NFATC3: variants seen among roughly 807,000 people sequenced by gnomAD.
NFATC3 encodes the protein nuclear factor of activated T cells 3.
In NFATC3, 46 loss-of-function variants were observed where a neutral mutation model predicts 98.6. The observed-to-expected ratio is 0.47, with a 90% CI of 0.37 to 0.60. The LOEUF (loss-of-function observed/expected upper bound fraction) is 0.60, where lower values mean the gene tolerates loss of function less well. Among genes scored for constraint, NFATC3 ranks in the 20% least tolerant of loss-of-function variants. The pLI, the probability that NFATC3 is intolerant of heterozygous loss-of-function variation, is 0.00. For synonymous variants in NFATC3, 512 were observed against 472.2 expected (o/e 1.08, Z -1.09); for missense variants, 1,256 against 1,295.5 (o/e 0.97, Z 0.47).
chr16:68,132,058 G>A (rs75914405), intron 3 of NFATC3, among the ~76,000 whole-genome samples: 2 of 152,042 alleles, frequency 1.3e-5, no homozygotes, highest in South Asian at 2.1e-4. Context: ...TTTAAATGAC[G>A]TGCTCTCATG....
chr16:68,186,186 A>G (rs2040192280), intron 8 of NFATC3, among the ~76,000 whole-genome samples: 1 of 151,954 alleles, frequency 6.6e-6, no homozygotes, highest in Non-Finnish European at 1.5e-5. Flanking sequence ...TTTGAATAAA[A>G]TTTTTACAAA....
chr16:68,227,456 CAG>C lies in NFATC3; in HGVS notation c.*986_*987del, dbSNP rs1278934648. ...TGCAGTTCTAACTCTAGCTAGAGGC[CAG>C]GCTGTGTGCAGAGCTAAAGCACAAA... On this transcript the variant is annotated 3_prime_UTR_variant, in exon 10 of 10. Coordinates refer to ENST00000346183, the MANE Select transcript of NFATC3 (RefSeq NM_173165.3). The C allele has an allele frequency of 6.6e-6, 1 of 152,162 alleles. No individual in the cohort carries two copies. Among genetic ancestry groups the C allele is most frequent in the Admixed American group, 6.6e-5 (1 of 15,260 alleles). The allele number at this position is 152,162 out of a possible 1,614,324, so 9.4% of individuals were successfully genotyped here. A position where few individuals can be genotyped will look rare whatever the true frequency, so the allele number is the denominator to read the frequency against.
chr16:68,175,426 T>G (rs1425729167), intron 6 of NFATC3, among the ~76,000 whole-genome samples: 1 of 152,218 alleles, frequency 6.6e-6, no homozygotes, highest in Non-Finnish European at 1.5e-5. Flanking sequence ...AGTATGTGAA[T>G]TATACCTCAA....
chr16:68,158,191 A>T (rs1354227084), intron 4 of NFATC3, 123 bp downstream of exon 4: 13 of 624,126 alleles, frequency 2.1e-5, no homozygotes, highest in Non-Finnish European at 3.1e-5. Flanking sequence ...TAAATAATGT[A>T]CATTTAGTAC....
Position 68,191,765 on chromosome 16 carries a change from T to C in NFATC3, c.3096T>C (p.Thr1032=). 1 of 1,614,182 alleles carries C rather than the reference T, an allele frequency of 6.2e-7. No individual in the cohort carries two copies. The highest frequency in any genetic ancestry group is 8.5e-7 in the Non-Finnish European group (1 of 1,180,022). ...CAACCATTGGTCTGCAGGACATCAC[T>C]TTAGATGATGGTAAGTTCATCTCTG... ...NFATIGLQDI[T]LDDVNEIIGR... is the part of the protein sequence containing the mutation. Residue 1032 remains threonine (T), a synonymous_variant, in exon 9 of 10, where the codon ACT becomes ACC. Coordinates refer to ENST00000346183, the MANE Select transcript of NFATC3 (RefSeq NM_173165.3).
intron 3 of NFATC3, among the ~76,000 whole-genome samples, chr16:68,147,596 T>C (rs1369253045): frequency 6.6e-6 from 1 of 152,172 alleles, no homozygotes; most frequent in African/African-American, 2.4e-5. Flanking sequence ...GCTGTTTATT[T>C]CTCCACTTGA....
intron 6 of NFATC3, among the ~76,000 whole-genome samples, chr16:68,178,387 C>G (rs2039810331): frequency 6.6e-6 from 1 of 152,110 alleles, no homozygotes; most frequent in Non-Finnish European, 1.5e-5. Flanking sequence ...CATACCCTGC[C>G]TGTCTTCAAA....
chr16:68,147,779 T>C (rs534691255), intron 3 of NFATC3, among the ~76,000 whole-genome samples: 33 of 145,992 alleles, frequency 2.3e-4, no homozygotes, highest in Non-Finnish European at 3.8e-4. Flanking sequence ...AAAAAAGACA[T>C]ATAGTCCACA....
chr16:68,172,867 A>C (rs534276184), intron 5 of NFATC3, among the ~76,000 whole-genome samples: 1 of 152,328 alleles, frequency 6.6e-6, no homozygotes, highest in East Asian at 1.9e-4. Context: ...AATTAAAAGA[A>C]AGAAATGCCA....
chr16:68,085,652 G>A lies in NFATC3; in HGVS notation c.-30G>A, dbSNP rs3743735. 0.13 allele frequency: 196,238 copies of A among 1,483,292 alleles called. 13,814 individuals are homozygous for A. The highest frequency in any genetic ancestry group is 0.2 in the South Asian group (15,283 of 78,334). 91.9% of individuals were successfully genotyped at this position (1,483,292 alleles called of 1,614,324 possible). On this transcript the variant is annotated 5_prime_UTR_variant, in exon 1 of 10. Coordinates refer to ENST00000346183, the MANE Select transcript of NFATC3 (RefSeq NM_173165.3). ...TGCCGCTGCCGCCGCCGCCGCCTGA[G>A]GAGGAGCTGCAGCACCCTGGGCCAC...
chr16:68,199,369 G>T (rs1357070287), intron 9 of NFATC3, among the ~76,000 whole-genome samples: 14 of 138,394 alleles, frequency 1.0e-4, no homozygotes, highest in African/African-American at 3.4e-4. Context: ...GACTACAGGC[G>T]CCCGCCACCA....
intron 1 of NFATC3, chr16:68,086,590 G>C: frequency 1.0e-6 from 1 of 967,368 alleles, no homozygotes; most frequent in Non-Finnish European, 1.2e-6. Flanking sequence ...TTGTGACCTG[G>C]TTTGGAATAC....
intron 5 of NFATC3, 39 bp from the exon 6 acceptor site, chr16:68,174,335 T>A: frequency 7.4e-7 from 1 of 1,358,108 alleles, no homozygotes; most frequent in Non-Finnish European, 9.6e-7. Flanking sequence ...TTAACTAATA[T>A]TTTGTTTTTT....
intron 3 of NFATC3, among the ~76,000 whole-genome samples, chr16:68,140,582 G>A (rs1313735373): frequency 1.3e-5 from 2 of 151,994 alleles, no homozygotes; most frequent in Non-Finnish European, 2.9e-5. Flanking sequence ...CTGGATATCC[G>A]TAGGCAAGAA....
chr16:68,184,004 C>CAAAAAAAA (rs34341175), intron 8 of NFATC3, among the ~76,000 whole-genome samples: 7 of 62,202 alleles, frequency 1.1e-4, no homozygotes, highest in South Asian at 1.1e-3. Context: ...AACTCCGTCA[C>CAAAAAAAA]AAAAAAAAAA....
intron 1 of NFATC3, among the ~76,000 whole-genome samples, chr16:68,108,447 TG>T (rs1489806030): frequency 6.6e-6 from 1 of 152,186 alleles, no homozygotes; most frequent in African/African-American, 2.4e-5. Flanking sequence ...TGTCTGTTTT[TG>T]TACCAGTACC....
At chr16:68,217,388 G>A (rs752964260) in intron 9 of NFATC3, among the ~76,000 whole-genome samples, 5 of 143,484 alleles carry the variant, frequency 3.5e-5, no homozygotes, top group African/African-American at 1.0e-4. Flanking sequence ...CCAAGATCAC[G>A]CCACTGCACT....
chr16:68,194,707 A>G (rs1598562389), intron 9 of NFATC3, among the ~76,000 whole-genome samples: 1 of 152,128 alleles, frequency 6.6e-6, no homozygotes, highest in African/African-American at 2.4e-5. Flanking sequence ...ACCAATGAAG[A>G]TATTTTTTCC....
rs2035561648 is a variant in NFATC3, at chr16:68,104,761, T to C, written c.104-17226T>C. ...CCGCCTCCTGGGTTCATCACGCCAT[T>C]CTCCTGCCTCAGCCTCCCAAGTAGC... On this transcript the variant is annotated intron_variant, in intron 1 of 9. Transcript: ENST00000346183. Among the ~76,000 whole-genome samples, 5 of 151,550 alleles carry C rather than the reference T, an allele frequency of 3.3e-5. No individual in the cohort carries two copies. In the South Asian group the frequency reaches 1.0e-3, roughly 32 times the overall value.
Sources: allele counts gnomAD v4.1 joint callset (sites outside exome capture counted in the v4.1 genomes callset), GRCh38; gene constraint gnomAD v4.1.1; transcripts MANE v1.5; gene names NCBI Gene and HGNC (gene_info 2026-07-23, HGNC 2026-07-21).